The following KIFAP3 variants were observed in gnomAD, a reference collection of about 807,000 sequenced individuals.
The protein encoded by KIFAP3 is kinesin associated protein 3, also known as kinesin-associated protein 3.
KIFAP3 carries 68 observed loss-of-function variants against 106.5 expected under a neutral mutation model. The ratio of observed to expected loss-of-function variants is 0.64; its 90% CI spans 0.53 to 0.78. The LOEUF (loss-of-function observed/expected upper bound fraction) is 0.78. KIFAP3 is among the 30% of genes least tolerant of loss of function. The pLI, the probability that KIFAP3 is intolerant of heterozygous loss-of-function variation, is 0.00. For synonymous variants in KIFAP3, 320 were observed against 311.5 expected, an observed-to-expected ratio of 1.03 and a Z score of -0.29; for missense variants, 780 against 941.8, an observed-to-expected ratio of 0.83 and a Z score of 2.25.
At chr1:169,929,040 T>G (rs1217379147) in intron 19 of KIFAP3, among the ~76,000 whole-genome samples, 1 of 152,136 alleles carries the variant, frequency 6.6e-6, no homozygotes, top group African/African-American at 2.4e-5. Flanking sequence ...CTAACACTAG[T>G]AAAATGATGT....
chr1:169,997,028 T>C (rs1258747309), intron 10 of KIFAP3, among the ~76,000 whole-genome samples: 3 of 152,156 alleles, frequency 2.0e-5, no homozygotes, highest in Non-Finnish European at 4.4e-5. Flanking sequence ...ATCTGTGATT[T>C]TATGAGAAAA....
chr1:169,931,669 C>T (rs1158315008), intron 19 of KIFAP3, among the ~76,000 whole-genome samples: 1 of 152,164 alleles, frequency 6.6e-6, no homozygotes, highest in Non-Finnish European at 1.5e-5. Flanking sequence ...TTAGCACGTC[C>T]TTTAAATAAT....
At chr1:170,011,276 T>C (rs1668229359) in intron 10 of KIFAP3, among the ~76,000 whole-genome samples, 1 of 151,974 alleles carries the variant, frequency 6.6e-6, no homozygotes, top group Non-Finnish European at 1.5e-5. Context: ...GAAACAGTGA[T>C]ATTTCTGAAG....
intron 19 of KIFAP3, among the ~76,000 whole-genome samples, chr1:169,939,877 T>C (rs1664012253): frequency 6.6e-6 from 1 of 152,164 alleles, no homozygotes; most frequent in African/African-American, 2.4e-5. Flanking sequence ...CTATTGGTGA[T>C]TTTGACAAGA....
chr1:169,927,333 G>C (rs967000769), intron 19 of KIFAP3, among the ~76,000 whole-genome samples: 3 of 152,146 alleles, frequency 2.0e-5, no homozygotes, highest in African/African-American at 7.2e-5. Context: ...GAAATATTCT[G>C]ATAATAACCT....
At chr1:170,028,094 T>A (rs1669208994) in intron 8 of KIFAP3, among the ~76,000 whole-genome samples, 1 of 152,000 alleles carries the variant, frequency 6.6e-6, no homozygotes, top group Non-Finnish European at 1.5e-5. Context: ...AAATGAGACT[T>A]TTTTAGACAC....
intron 19 of KIFAP3, among the ~76,000 whole-genome samples, chr1:169,944,547 G>T (rs970472129): frequency 2.0e-5 from 3 of 152,116 alleles, no homozygotes; most frequent in African/African-American, 7.2e-5. Flanking sequence ...CCCCGTTTGT[G>T]TTACAGCTCT....
At chr1:170,035,694 C>T in intron 5 of KIFAP3, 141 bp from the exon 6 acceptor site, 1 of 509,484 alleles carries the variant, frequency 2.0e-6, no homozygotes, top group Non-Finnish European at 3.5e-6. Flanking sequence ...CTTTCCAATA[C>T]AGACAGCTAC....
At chr1:170,072,210 G>A (rs1671740107) in intron 1 of KIFAP3, among the ~76,000 whole-genome samples, 1 of 152,132 alleles carries the variant, frequency 6.6e-6, no homozygotes, top group South Asian at 2.1e-4. Flanking sequence ...AGTCCCATAT[G>A]ATTTGGCTCA....
chr1:170,043,133 C>T (rs916808810), intron 3 of KIFAP3, among the ~76,000 whole-genome samples: 3 of 152,136 alleles, frequency 2.0e-5, no homozygotes, highest in African/African-American at 4.8e-5. Context: ...TCAAAGGTTC[C>T]TTATCCTCCA....
In KIFAP3 at chr1:170,053,156, C is replaced by T. The variant is rs186674047; in HGVS notation, c.164+2149G>A. On this transcript the variant is annotated intron_variant, in intron 2 of 19. Transcript: ENST00000361580. Reference sequence around the variant, plus strand: ...CAACTTCAGCAAAATTCTCAGTATACAAAATCCATGTACAAAAATCACAAG... The same window carrying T: ...CAACTTCAGCAAAATTCTCAGTATATAAAATCCATGTACAAAAATCACAAG... 6.6e-5 allele frequency among the ~76,000 whole-genome samples: 10 copies of T among 152,290 alleles called. No individual in the cohort carries two copies. In the East Asian group the frequency reaches 1.7e-3, roughly 26 times the overall value.
chr1:169,925,189 T>G (rs1457548835), intron 19 of KIFAP3, among the ~76,000 whole-genome samples: 2 of 152,134 alleles, frequency 1.3e-5, no homozygotes, highest in Non-Finnish European at 2.9e-5. Context: ...TTTTTCTTTA[T>G]AGGATTACTT....
intron 16 of KIFAP3, among the ~76,000 whole-genome samples, chr1:169,974,102 T>A (rs1356504330): frequency 1.3e-5 from 2 of 151,796 alleles, no homozygotes; most frequent in Non-Finnish European, 2.9e-5. Context: ...TGAACATGAA[T>A]GTTGAAATTT....
chr1:169,961,031 C>T lies in KIFAP3; in HGVS notation c.2173+15G>A, dbSNP rs754048260. 16 of 1,603,936 alleles carry T rather than the reference C, an allele frequency of 1.0e-5. No individual in the cohort carries two copies. Among genetic ancestry groups the T allele is most frequent in the South Asian group, 5.6e-5 (5 of 89,810 alleles). ...TAGCATATAATAAACTGTTTACTTT[C>T]GCTTTGGTTATCACCTGAGTTGTAG... On this transcript the variant is annotated intron_variant, in intron 18 of 19. Transcript: ENST00000361580.
intron 17 of KIFAP3, among the ~76,000 whole-genome samples, chr1:169,962,121 T>A (rs899030182): frequency 2.0e-5 from 3 of 152,098 alleles, no homozygotes; most frequent in African/African-American, 7.3e-5. Context: ...AATGGTTTAC[T>A]AAAGAAAACA....
chr1:169,999,098 T>G (rs1558233078), intron 10 of KIFAP3, among the ~76,000 whole-genome samples: 1 of 152,148 alleles, frequency 6.6e-6, no homozygotes, highest in African/African-American at 2.4e-5. Context: ...AAACAGCTAT[T>G]AGAGAGATTA....
chr1:170,023,619 T>C (rs141107400), intron 9 of KIFAP3, among the ~76,000 whole-genome samples: 64 of 152,224 alleles, frequency 4.2e-4, no homozygotes, highest in African/African-American at 1.5e-3. Flanking sequence ...AGCTCAGTTA[T>C]CTGAAAACAA....
chr1:170,039,423 C>T, intron 3 of KIFAP3, 135 bp from the exon 4 acceptor site: 1 of 545,416 alleles, frequency 1.8e-6, no homozygotes, highest in South Asian at 2.6e-5. Flanking sequence ...ATAATCTCTT[C>T]TCAATGCATA....
intron 10 of KIFAP3, among the ~76,000 whole-genome samples, chr1:170,003,579 G>A (rs1018732893): frequency 8.2e-6 from 1 of 121,244 alleles, no homozygotes; most frequent in Non-Finnish European, 1.7e-5. Flanking sequence ...GGACATCTAA[G>A]TCTGCAGAGG....
Sources: gnomAD v4.1 joint callset for allele counts (sites outside exome capture counted in the v4.1 genomes callset) on GRCh38, gnomAD v4.1.1 for gene constraint, MANE v1.5 for transcripts, NCBI Gene and HGNC (gene_info 2026-07-23, HGNC 2026-07-21) for gene names.